JAK2: variants seen among roughly 807,000 people sequenced by gnomAD.
The protein encoded by JAK2 is tyrosine-protein kinase JAK2.
In JAK2, 86 loss-of-function variants were observed where a neutral mutation model predicts 139.3. That is an observed-to-expected ratio of 0.62 (90% CI 0.52 to 0.74). JAK2 has a LOEUF of 0.74. Among genes scored for constraint, JAK2 ranks in the 30% least tolerant of loss-of-function variants. The pLI is 0.00. For synonymous variants in JAK2, 490 were observed against 437.7 expected (o/e 1.12, Z -1.49); for missense variants, 1,421 against 1,360.3 (o/e 1.04, Z -0.70).
At chr9:5,071,352 C>G (rs939185216) in intron 12 of JAK2, among the ~76,000 whole-genome samples, 2 of 151,960 alleles carry the variant, frequency 1.3e-5, no homozygotes, top group Non-Finnish European at 2.9e-5. Context: ...AAAATTAGAA[C>G]TCCAGGAACT....
At chr9:5,089,590 A>G in intron 19 of JAK2, 84 bp from the exon 20 acceptor site, 1 of 492,538 alleles carries the variant, frequency 2.0e-6, no homozygotes. Flanking sequence ...TCCAGCTACT[A>G]GAATTTTCTA....
intron 2 of JAK2, among the ~76,000 whole-genome samples, chr9:4,989,413 T>G (rs1023156168): frequency 4.6e-5 from 7 of 152,098 alleles, no homozygotes; most frequent in Non-Finnish European, 7.4e-5. Context: ...TCTTTTCAAG[T>G]TGATTGTGTA....
chr9:5,089,067 G>A (rs2130669225), intron 19 of JAK2, among the ~76,000 whole-genome samples: 1 of 152,282 alleles, frequency 6.6e-6, no homozygotes, highest in East Asian at 1.9e-4. Flanking sequence ...GGAATCCTCA[G>A]CATGTCCCTT....
chr9:5,101,668 G>T (rs575401626), intron 22 of JAK2, among the ~76,000 whole-genome samples: 2 of 152,188 alleles, frequency 1.3e-5, no homozygotes, highest in African/African-American at 4.8e-5. Flanking sequence ...TGTCTGGGAC[G>T]AAGCTTCCAG....
At chr9:5,026,445 A>G (rs1227387406) in intron 3 of JAK2, among the ~76,000 whole-genome samples, 1 of 152,228 alleles carries the variant, frequency 6.6e-6, no homozygotes, top group African/African-American at 2.4e-5. Context: ...GGTCGTGTTA[A>G]TAATTTAAAT....
intron 4 of JAK2, among the ~76,000 whole-genome samples, chr9:5,038,239 T>C (rs527543828): frequency 6.6e-5 from 10 of 152,250 alleles, no homozygotes; most frequent in African/African-American, 1.9e-4. Context: ...TTATAGGAAC[T>C]GCTAAAAGAA....
Position 5,066,713 on chromosome 9 carries a change from G to A in JAK2, c.1250G>A (p.Gly417Asp), listed in dbSNP as rs778050966. 6.2e-7 allele frequency: 1 copy of A among 1,609,934 alleles called. No homozygotes were observed. Among genetic ancestry groups the A allele is most frequent in the South Asian group, 1.1e-5 (1 of 90,840 alleles). ...DFAISKLKKA[G>D]NQTGLYVLRC... Reference sequence around the variant, plus strand: ...GCCATTAGTAAACTGAAGAAAGCAGGTAATCAGACTGGACTGTATGTACTT... The same window carrying A: ...GCCATTAGTAAACTGAAGAAAGCAGATAATCAGACTGGACTGTATGTACTT... The change falls in exon 10 of 25, where the codon GGT becomes GAT. Residue 417 changes from glycine (G) to aspartate (D), a missense_variant. Gly to Asp is a moderately conservative substitution (Grantham distance 94). Transcript: ENST00000381652.
At position 5,126,856 on chromosome 9, in the gene JAK2, C is replaced by T. The variant is rs1005700498; in HGVS notation, c.*65C>T. 2.2e-6 allele frequency: 2 copies of T among 907,484 alleles called. No individual in the cohort carries two copies. The highest frequency in any genetic ancestry group is 1.7e-5 in the African/African-American group (1 of 59,354). 56.2% of individuals were successfully genotyped at this position (907,484 alleles called of 1,614,324 possible). The stretch of plus-strand genomic sequence containing the variant: ...GAACAAAGTTTTATATTTCACATTG[C>T]TGTGGACTATTATTACATATATCAT... On this transcript the variant is annotated 3_prime_UTR_variant, in exon 25 of 25. Transcript: ENST00000381652.
rs2130605465 is a variant in JAK2 at position 5,080,338 on chromosome 9, C to T, written c.2241C>T (p.Cys747=). The change falls in exon 17 of 25, where the codon TGC becomes TGT. Residue 747 remains cysteine, a synonymous_variant. Coordinates refer to ENST00000381652, the MANE Select transcript of JAK2 (RefSeq NM_004972.4). ...TTGGTACCACTTTGTGGGAAATCTG[C>T]AGTGGAGGAGATAAACCTCTAAGTG... ...WSFGTTLWEI[C]SGGDKPLSAL... 1 of 1,613,594 alleles carries T rather than the reference C, an allele frequency of 6.2e-7. No homozygotes were observed. The highest frequency in any genetic ancestry group is 1.3e-5 in the African/African-American group (1 of 74,994).
intron 22 of JAK2, chr9:5,094,720 C>G (rs1263815868): frequency 6.6e-6 from 1 of 152,112 alleles, no homozygotes; most frequent in Non-Finnish European, 1.5e-5. Context: ...GAATATGCTG[C>G]AAGTTCATTT....
intron 2 of JAK2, among the ~76,000 whole-genome samples, chr9:4,986,300 C>T (rs1252009876): frequency 6.6e-6 from 1 of 152,200 alleles, no homozygotes; most frequent in Non-Finnish European, 1.5e-5. Context: ...ACCCTTTCTT[C>T]TTAAGCAGCC....
intron 22 of JAK2, among the ~76,000 whole-genome samples, chr9:5,116,774 G>A (rs535559937): frequency 9.9e-5 from 15 of 152,256 alleles, no homozygotes; most frequent in African/African-American, 3.6e-4. Flanking sequence ...GACGTGATAG[G>A]CAAATTCAAC....
intron 2 of JAK2, among the ~76,000 whole-genome samples, chr9:5,013,716 A>C (rs987680351): frequency 6.6e-6 from 1 of 151,940 alleles, no homozygotes; most frequent in Non-Finnish European, 1.5e-5. Context: ...AACTTCTAAA[A>C]CCTTTCTTTG....
In JAK2 at chr9:5,093,424, ACATGAGGGTTCAGCTGT is replaced by A. The variant is rs1003294396; in HGVS notation, c.3059+2532_3059+2548del. Among the ~76,000 whole-genome samples the A allele has an allele frequency of 1.6e-4, 25 of 152,290 alleles. 2 individuals are homozygous for A. Among genetic ancestry groups the A allele is most frequent in the African/African-American group, 5.3e-4 (22 of 41,562 alleles). ...TAAATAGGGACTTAGAAGAATGGCC[ACATGAGGGTTCAGCTGT>A]CATGAGGGTTCAGCTGTCTCTTACG... On this transcript the variant is annotated intron_variant, in intron 22 of 24. Coordinates refer to ENST00000381652, the MANE Select transcript of JAK2 (RefSeq NM_004972.4).
chr9:5,050,988 G>C (rs1279664515), intron 6 of JAK2, among the ~76,000 whole-genome samples, 157 bp downstream of exon 6: 1 of 152,066 alleles, frequency 6.6e-6, no homozygotes, highest in Non-Finnish European at 1.5e-5. Flanking sequence ...TCAGATTTTG[G>C]ATATTTCCAG....
intron 2 of JAK2, among the ~76,000 whole-genome samples, chr9:5,018,577 A>G (rs914629348): frequency 1.1e-4 from 17 of 152,042 alleles, no homozygotes; most frequent in African/African-American, 3.9e-4. Context: ...GGGCTCAAGC[A>G]GTCTGCCTGC....
chr9:5,071,303 A>G (rs1477438039), intron 12 of JAK2, among the ~76,000 whole-genome samples: 1 of 152,222 alleles, frequency 6.6e-6, no homozygotes, highest in East Asian at 1.9e-4. Flanking sequence ...CAAGGAAATA[A>G]TGCAGGATTA....
chr9:5,090,860 A>G lies in JAK2; in HGVS notation c.3008A>G (p.Gln1003Arg), dbSNP rs747109848. 6.2e-7 allele frequency: 1 copy of G among 1,613,200 alleles called. No homozygotes were observed. The highest frequency in any genetic ancestry group is 8.5e-7 in the Non-Finnish European group (1 of 1,179,424). Reference sequence around the variant, plus strand: ...TTTGGGTTAACCAAAGTCTTGCCACAAGACAAAGAATACTATAAAGTAAAA... The same window carrying G: ...TTTGGGTTAACCAAAGTCTTGCCACGAGACAAAGAATACTATAAAGTAAAA... Reference protein sequence around the residue: ...GDFGLTKVLPQDKEYYKVKEP... With the variant: ...GDFGLTKVLPRDKEYYKVKEP... Residue 1003 changes from glutamine to arginine, a missense_variant, in exon 22 of 25, where the codon CAA becomes CGA. Transcript: ENST00000381652.
chr9:5,015,406 T>A (rs1821977932), intron 2 of JAK2, among the ~76,000 whole-genome samples: 1 of 152,240 alleles, frequency 6.6e-6, no homozygotes, highest in African/African-American at 2.4e-5. Flanking sequence ...GTTAAATGTC[T>A]TTTTCATTGA....
Sources: gnomAD v4.1 joint callset for allele counts (sites outside exome capture counted in the v4.1 genomes callset) on GRCh38, gnomAD v4.1.1 for gene constraint, MANE v1.5 for transcripts, NCBI Gene and HGNC (gene_info 2026-07-23, HGNC 2026-07-21) for gene names.